ADGRG7: variants seen among roughly 807,000 people sequenced by gnomAD.
The protein encoded by ADGRG7 is G-protein coupled receptor 128.
A neutral mutation model predicts 88.6 loss-of-function variants in ADGRG7; 82 were observed. The observed-to-expected ratio is 0.93, with a 90% confidence interval of 0.77 to 1.11. ADGRG7 has a LOEUF of 1.11. Among genes scored for constraint, ADGRG7 ranks in the 50% most tolerant of loss-of-function variants. ADGRG7 has a pLI of 0.00. For synonymous variants in ADGRG7, 381 were observed against 345.2 expected, an observed-to-expected ratio of 1.10 and a Z score of -1.15; for missense variants, 945 against 953.4, an observed-to-expected ratio of 0.99 and a Z score of 0.12.
At chr3:100,664,290 C>T (rs747874896) in intron 14 of ADGRG7, among the ~76,000 whole-genome samples, 5 of 152,028 alleles carry the variant, frequency 3.3e-5, no homozygotes, top group East Asian at 1.9e-4. Flanking sequence ...GGACATTAAG[C>T]GGTGCTTTAT....
At chr3:100,653,285 C>T (rs924888516) in intron 11 of ADGRG7, among the ~76,000 whole-genome samples, 1 of 152,112 alleles carries the variant, frequency 6.6e-6, no homozygotes, top group Non-Finnish European at 1.5e-5. Context: ...ATTCTTTAAA[C>T]GTAAAGTAAG....
chr3:100,660,367 C>T (rs2094943570), intron 14 of ADGRG7, among the ~76,000 whole-genome samples: 2 of 152,144 alleles, frequency 1.3e-5, no homozygotes, highest in African/African-American at 2.4e-5. Flanking sequence ...TGCAGTGGCA[C>T]GATCACAGCT....
Position 100,655,177 on chromosome 3 carries a change from A to G in ADGRG7, c.1722A>G (p.Gly574=). ...RHFILFISLI[G]WGVPAIVVAI... ...TCATTCTTTTCATCTCATTAATTGG[A>G]TGGGGTAAGTGTTTGCATCTCCCCT... The change falls in exon 12 of 16, where the codon GGA becomes GGG. Residue 574 remains glycine (G), a synonymous_variant. Transcript: ENST00000273352. 1 of 1,601,696 alleles carries G rather than the reference A, an allele frequency of 6.2e-7. No individual in the cohort carries two copies. Among genetic ancestry groups the G allele is most frequent in the Non-Finnish European group, 8.5e-7 (1 of 1,170,668 alleles).
At chr3:100,676,956 T>A (rs2094966254) in intron 15 of ADGRG7, among the ~76,000 whole-genome samples, 1 of 152,084 alleles carries the variant, frequency 6.6e-6, no homozygotes, top group Admixed American at 6.6e-5. Context: ...TCTTTCTCCA[T>A]CCATTTATTT....
At chr3:100,691,948 T>C (rs949435444) in intron 15 of ADGRG7, among the ~76,000 whole-genome samples, 14 of 152,208 alleles carry the variant, frequency 9.2e-5, no homozygotes, top group African/African-American at 3.4e-4. Context: ...CTTTGTTCAA[T>C]ATCAGGATGA....
intron 10 of ADGRG7, among the ~76,000 whole-genome samples, chr3:100,647,350 T>C (rs1348102051): frequency 6.6e-6 from 1 of 152,216 alleles, no homozygotes; most frequent in African/African-American, 2.4e-5. Flanking sequence ...AAAGTTGTTA[T>C]AGCCAGAGGT....
chr3:100,629,519 G>A (rs1707427962), intron 1 of ADGRG7, 79 bp from the exon 2 acceptor site: 1 of 896,966 alleles, frequency 1.1e-6, no homozygotes, highest in Non-Finnish European at 1.8e-6. Context: ...TTTACGTGTA[G>A]AAATTAAGTG....
intron 1 of ADGRG7, among the ~76,000 whole-genome samples, chr3:100,629,198 G>C (rs1213930664): frequency 2.0e-5 from 3 of 151,900 alleles, no homozygotes; most frequent in Non-Finnish European, 4.4e-5. Context: ...GGGTCTTCTT[G>C]GCTAGGTTAC....
chr3:100,647,535 C>T (rs1179751530), intron 10 of ADGRG7, among the ~76,000 whole-genome samples: 1 of 152,118 alleles, frequency 6.6e-6, no homozygotes, highest in Non-Finnish European at 1.5e-5. Context: ...CTAGTTTCTC[C>T]GTGTATTCCT....
intron 15 of ADGRG7, among the ~76,000 whole-genome samples, chr3:100,671,448 A>G (rs367858644): frequency 9.7e-4 from 148 of 152,320 alleles, no homozygotes; most frequent in African/African-American, 3.3e-3. Flanking sequence ...GATTCTGGAT[A>G]TTAGCCCTTT....
intron 4 of ADGRG7, 116 bp from the exon 5 acceptor site, chr3:100,635,561 T>C: frequency 6.7e-7 from 1 of 1,498,576 alleles, no homozygotes; most frequent in East Asian, 2.3e-5. Context: ...TGAGTGGACA[T>C]GGTGTTCAGG....
chr3:100,631,650 T>C (rs906663552), intron 3 of ADGRG7, among the ~76,000 whole-genome samples: 3 of 152,182 alleles, frequency 2.0e-5, no homozygotes, highest in Admixed American at 6.6e-5. Flanking sequence ...AGATGTTTGA[T>C]AAAACTACTG....
chr3:100,658,636 A>G (rs1452416323), intron 13 of ADGRG7, among the ~76,000 whole-genome samples: 1 of 152,072 alleles, frequency 6.6e-6, no homozygotes, highest in East Asian at 1.9e-4. Flanking sequence ...CATCTACTTC[A>G]GGTCTTTGCT....
At position 100,652,595 on chromosome 3, in the gene ADGRG7, C is replaced by A. The variant is rs1465728541; in HGVS notation, c.1380-2240C>A. 5.9e-5 allele frequency among the ~76,000 whole-genome samples: 9 copies of A among 152,116 alleles called. No individual in the cohort carries two copies. The East Asian group carries it at 1.7e-3, about 29-fold the overall frequency. ...ATATAAGGATATATCTGCCTTTAAG[C>A]AATAAGGAAAATAATACATGTACAA... is the stretch of plus-strand genomic sequence containing the variant. On this transcript the variant is annotated intron_variant, in intron 11 of 15. Transcript: ENST00000273352.
At chr3:100,692,277 G>T (rs2094995169) in intron 15 of ADGRG7, among the ~76,000 whole-genome samples, 1 of 152,144 alleles carries the variant, frequency 6.6e-6, no homozygotes, top group Non-Finnish European at 1.5e-5. Context: ...TAATGGATGG[G>T]TGCCTGCCAC....
intron 3 of ADGRG7, 43 bp downstream of exon 3, chr3:100,630,852 T>C: frequency 2.7e-6 from 3 of 1,109,782 alleles, no homozygotes; most frequent in Non-Finnish European, 3.8e-6. Flanking sequence ...TAAGAATTAC[T>C]ATGCTGAGTC....
chr3:100,646,772 A>G, intron 10 of ADGRG7, 48 bp downstream of exon 10: 1 of 1,503,546 alleles, frequency 6.7e-7, no homozygotes. Flanking sequence ...TTTTCCTTAT[A>G]CACAATTCTA....
At chr3:100,672,039 GCT>G (rs2094959382) in intron 15 of ADGRG7, among the ~76,000 whole-genome samples, 1 of 152,112 alleles carries the variant, frequency 6.6e-6, no homozygotes, top group African/African-American at 2.4e-5. Context: ...GGCTATGTGG[GCT>G]CTTTTTTGGT....
chr3:100,633,447 T>TA, intron 4 of ADGRG7, 70 bp downstream of exon 4: 1 of 715,682 alleles, frequency 1.4e-6, no homozygotes, highest in South Asian at 2.8e-5. Flanking sequence ...GTTCTTCAGA[T>TA]ACCTGATGGT....
Sources: gnomAD v4.1 joint callset for allele counts (sites outside exome capture counted in the v4.1 genomes callset) on GRCh38, gnomAD v4.1.1 for gene constraint, MANE v1.5 for transcripts, NCBI Gene and HGNC (gene_info 2026-07-23, HGNC 2026-07-21) for gene names.